CTNNA2: variants seen among roughly 807,000 people sequenced by gnomAD.
CTNNA2 encodes catenin alpha 2.
Under a neutral mutation model 101.0 loss-of-function variants are expected in CTNNA2, and 42 were observed. The ratio of observed to expected loss-of-function variants is 0.42; its 90% CI spans 0.32 to 0.54. The LOEUF (loss-of-function observed/expected upper bound fraction) is 0.54. CTNNA2 is among the 20% of genes least tolerant of loss of function. The probability of loss-of-function intolerance (pLI) is 0.14; values close to 1 mark genes in which losing one functional copy is unlikely to be tolerated. For synonymous variants in CTNNA2, 450 were observed against 456.4 expected, an observed-to-expected ratio of 0.99 and a Z score of 0.18; for missense variants, 871 against 1,223.1, an observed-to-expected ratio of 0.71 and a Z score of 4.29.
intron 9 of CTNNA2, among the ~76,000 whole-genome samples, chr2:80,534,909 C>T (rs1305635625): frequency 6.6e-6 from 1 of 152,040 alleles, no homozygotes; most frequent in African/African-American, 2.4e-5. Flanking sequence ...GGAGACTCCC[C>T]TAAATGCATG....
At position 79,197,183 on chromosome 2, in the gene CTNNA2, C is replaced by T. The variant is rs150060026; in HGVS notation, c.-523-776C>T. 3.9e-5 allele frequency among the ~76,000 whole-genome samples: 6 copies of T among 152,116 alleles called. 1 individual carries two copies. In the East Asian group the frequency reaches 1.2e-3, roughly 29 times the overall value. ...CTATGTGGAAATAAATAAAGAGCAC[C>T]CGAATTAGAACAAACAGAGACTATT... On this transcript the variant is annotated intron_variant, in intron 1 of 21. Coordinates refer to the CTNNA2 transcript ENST00000466387.
intron 1 of CTNNA2, among the ~76,000 whole-genome samples, chr2:79,645,165 T>C (rs964823124): frequency 6.6e-6 from 1 of 152,000 alleles, no homozygotes; most frequent in Non-Finnish European, 1.5e-5. Flanking sequence ...GTATTTTTTG[T>C]TGTAGAGATG....
chr2:80,388,789 G>A (rs1294031831), intron 7 of CTNNA2, among the ~76,000 whole-genome samples: 1 of 152,198 alleles, frequency 6.6e-6, no homozygotes, highest in African/African-American at 2.4e-5. Context: ...GTTTGTTAAA[G>A]TATGCTTAAT....
intron 7 of CTNNA2, among the ~76,000 whole-genome samples, chr2:80,103,609 G>C (rs1275670511): frequency 1.3e-5 from 2 of 152,142 alleles, no homozygotes; most frequent in South Asian, 4.1e-4. Context: ...AGCAGTCCTT[G>C]GCTTCTGTGT....
At chr2:80,462,627 C>CTTTTTTTTTTTTTTT (rs1161384853) in intron 9 of CTNNA2, among the ~76,000 whole-genome samples, 16 of 114,350 alleles carry the variant, frequency 1.4e-4, no homozygotes, top group African/African-American at 5.9e-4. Flanking sequence ...TTCTTTCTTT[C>CTTTTTTTTTTTTTTT]TTTCTTTTTT....
chr2:80,493,224 A>G (rs1409920827), intron 9 of CTNNA2, among the ~76,000 whole-genome samples: 3 of 152,180 alleles, frequency 2.0e-5, no homozygotes, highest in Non-Finnish European at 4.4e-5. Context: ...GACCGGGCCC[A>G]TTTCAGCTTG....
intron 7 of CTNNA2, among the ~76,000 whole-genome samples, chr2:80,130,104 T>G (rs1228505422): frequency 6.6e-6 from 1 of 152,160 alleles, no homozygotes; most frequent in Non-Finnish European, 1.5e-5. Context: ...CAAATCACGG[T>G]GGTGCCAAAG....
Position 79,777,892 on chromosome 2 carries a change from G to GTTTT in CTNNA2, c.298+33323_298+33326dup, listed in dbSNP as rs58015801. Among the ~76,000 whole-genome samples the GTTTT allele has an allele frequency of 3.8e-3, 533 of 139,766 alleles. 5 individuals carry two copies. The highest frequency in any genetic ancestry group is 0.013 in the African/African-American group (511 of 37,908). The allele number at this position is 139,766 out of a possible 152,430, so 91.7% of individuals were successfully genotyped here. On this transcript the variant is annotated intron_variant, in intron 3 of 18. Coordinates refer to ENST00000402739, the MANE Select transcript of CTNNA2 (RefSeq NM_001282597.3). Reference sequence around the variant, plus strand: ...CCAGTCATAGATTTATTTGCATGGGGTTTTTTTTTTTTTTTTGTACTTGTC... The same window carrying GTTTT: ...CCAGTCATAGATTTATTTGCATGGGGTTTTTTTTTTTTTTTTTTTTGTACTTGTC...
At chr2:80,544,413 G>T (rs139920365) in intron 9 of CTNNA2, among the ~76,000 whole-genome samples, 1 of 151,806 alleles carries the variant, frequency 6.6e-6, no homozygotes, top group African/African-American at 2.4e-5. Flanking sequence ...TATATATTCC[G>T]CCATTGTGTA....
intron 1 of CTNNA2, among the ~76,000 whole-genome samples, chr2:79,523,023 G>A (rs1457612019): frequency 6.6e-6 from 1 of 152,138 alleles, no homozygotes; most frequent in Non-Finnish European, 1.5e-5. Flanking sequence ...GTATATCTGA[G>A]TTATATAGTG....
chr2:79,233,186 G>A (rs748620983), intron 2 of CTNNA2, among the ~76,000 whole-genome samples: 10 of 152,084 alleles, frequency 6.6e-5, no homozygotes, highest in Non-Finnish European at 1.2e-4. Context: ...CTTGATAAAG[G>A]TGTTTAGCAC....
chr2:79,628,554 G>A (rs750793518), intron 1 of CTNNA2, among the ~76,000 whole-genome samples: 1 of 152,024 alleles, frequency 6.6e-6, no homozygotes, highest in African/African-American at 2.4e-5. Flanking sequence ...AAGTATTTGT[G>A]CTTTTAAAGA....
chr2:79,982,278 A>AC (rs1691379350), intron 7 of CTNNA2, among the ~76,000 whole-genome samples: 1 of 121,154 alleles, frequency 8.3e-6, no homozygotes, highest in Non-Finnish European at 1.8e-5. Flanking sequence ...CATATATATA[A>AC]TATATATAAC....
chr2:80,559,805 TA>T (rs1693385118), intron 12 of CTNNA2, among the ~76,000 whole-genome samples: 1 of 151,816 alleles, frequency 6.6e-6, no homozygotes, highest in African/African-American at 2.4e-5. Context: ...CCCATCTTCA[TA>T]GATCTCGTTT....
At chr2:80,059,071 T>C (rs75620377) in intron 7 of CTNNA2, among the ~76,000 whole-genome samples, 5,068 of 152,308 alleles carry the variant, frequency 0.033, 274 homozygotes, top group African/African-American at 0.12. Context: ...ATTTTAAAAA[T>C]ATCTGCTGAG....
intron 11 of CTNNA2, among the ~76,000 whole-genome samples, chr2:80,553,576 A>G (rs1274551759): frequency 6.6e-6 from 1 of 152,218 alleles, no homozygotes; most frequent in East Asian, 1.9e-4. Context: ...TATAATTAAC[A>G]GACGTCTCAC....
intron 2 of CTNNA2, among the ~76,000 whole-genome samples, chr2:79,232,734 C>T (rs915605854): frequency 6.6e-6 from 1 of 152,212 alleles, no homozygotes; most frequent in South Asian, 2.1e-4. Context: ...CGGGTCTTTT[C>T]AGGTTTTCAC....
At chr2:79,763,530 G>A (rs141590574) in intron 3 of CTNNA2, among the ~76,000 whole-genome samples, 68 of 152,240 alleles carry the variant, frequency 4.5e-4, no homozygotes, top group African/African-American at 1.5e-3. Context: ...AAAGGGCATT[G>A]CAAGGTAGAA....
intron 7 of CTNNA2, among the ~76,000 whole-genome samples, chr2:80,229,292 G>T (rs1244271622): frequency 2.0e-5 from 3 of 152,272 alleles, no homozygotes; most frequent in Non-Finnish European, 4.4e-5. Context: ...AGATCCTGTA[G>T]GTTAAGGGCT....
Sources: allele counts gnomAD v4.1 joint callset (sites outside exome capture counted in the v4.1 genomes callset), GRCh38; gene constraint gnomAD v4.1.1; transcripts MANE v1.5; gene names NCBI Gene and HGNC (gene_info 2026-07-23, HGNC 2026-07-21).